Variants in PRMT8 observed in about 807,000 individuals in gnomAD.
PRMT8 encodes the protein protein arginine N-methyltransferase 8.
Under a neutral mutation model 47.1 loss-of-function variants are expected in PRMT8, and 7 were observed. The observed-to-expected ratio is 0.15, with a 90% confidence interval of 0.08 to 0.28. The LOEUF (loss-of-function observed/expected upper bound fraction) is 0.28. Among genes scored for constraint, PRMT8 ranks in the 10% least tolerant of loss-of-function variants. PRMT8 has a pLI of 1.00. For missense variants in PRMT8, 237 were observed against 505.4 expected (o/e 0.47, Z 5.09); for synonymous variants, 188 against 186.5 (o/e 1.01, Z -0.07).
intron 1 of PRMT8, among the ~76,000 whole-genome samples, chr12:3,455,084 G>A (rs1864959400): frequency 6.6e-6 from 1 of 152,286 alleles, no homozygotes; most frequent in Admixed American, 6.5e-5. Flanking sequence ...AATCCTGGGG[G>A]AGATGGAGTT....
At chr12:3,554,477 G>C (rs1866489650) in intron 4 of PRMT8, among the ~76,000 whole-genome samples, 2 of 152,224 alleles carry the variant, frequency 1.3e-5, no homozygotes, top group Admixed American at 1.3e-4. Context: ...CTGCGCCGGG[G>C]CTGCAGTGAG....
intron 1 of PRMT8, among the ~76,000 whole-genome samples, chr12:3,433,447 C>T (rs182167066): frequency 2.8e-4 from 43 of 152,296 alleles, no homozygotes; most frequent in African/African-American, 9.9e-4. Flanking sequence ...ATCCTCGTAA[C>T]CACCCTGCAG....
intron 1 of PRMT8, among the ~76,000 whole-genome samples, chr12:3,388,392 C>T (rs531543747): frequency 1.3e-5 from 2 of 152,156 alleles, no homozygotes; most frequent in South Asian, 2.1e-4. Context: ...CCATCACTCA[C>T]GATGCTATGA....
chr12:3,433,891 A>AG (rs1864709105), intron 1 of PRMT8, among the ~76,000 whole-genome samples: 1 of 152,190 alleles, frequency 6.6e-6, no homozygotes, highest in East Asian at 1.9e-4. Flanking sequence ...GGCGTGAGCC[A>AG]CCATGCCCAG....
chr12:3,491,584 C>A lies in PRMT8; in HGVS notation c.-42C>A. On this transcript the variant is annotated 5_prime_UTR_variant, in exon 1 of 10. Coordinates refer to ENST00000382622, the MANE Select transcript of PRMT8 (RefSeq NM_019854.5). The stretch of plus-strand genomic sequence containing the variant: ...TTTAAAGCGACACCAGCTCTCTCTC[C>A]TCCTCTACTATCTCGGTATCACCAA... 2 of 1,599,924 alleles carry A rather than the reference C, an allele frequency of 1.3e-6. No homozygotes were observed. The highest frequency in any genetic ancestry group is 8.5e-7 in the Non-Finnish European group (1 of 1,174,460).
At chr12:3,523,618 A>T (rs1865912273) in intron 1 of PRMT8, among the ~76,000 whole-genome samples, 2 of 152,162 alleles carry the variant, frequency 1.3e-5, no homozygotes, top group Admixed American at 1.3e-4. Flanking sequence ...TCAAATTTTC[A>T]ATACTAGCTC....
chr12:3,528,852 T>A (rs11062705), intron 1 of PRMT8, among the ~76,000 whole-genome samples: 4,688 of 152,314 alleles, frequency 0.031, 111 homozygotes, highest in East Asian at 0.073. Context: ...TGGTGGGATT[T>A]GAACTATCTT....
At chr12:3,512,046 A>G (rs1162125061) in intron 1 of PRMT8, among the ~76,000 whole-genome samples, 1 of 152,146 alleles carries the variant, frequency 6.6e-6, no homozygotes, top group Non-Finnish European at 1.5e-5. Context: ...TTCCATGGCC[A>G]TCCCTGCAGT....
chr12:3,563,909 T>G (rs1866676219), intron 4 of PRMT8, among the ~76,000 whole-genome samples: 1 of 151,226 alleles, frequency 6.6e-6, no homozygotes, highest in Non-Finnish European at 1.5e-5. Context: ...TTTGAATATC[T>G]TTTGTCTCTT....
intron 4 of PRMT8, among the ~76,000 whole-genome samples, chr12:3,567,733 A>G (rs924528218): frequency 6.6e-6 from 1 of 152,230 alleles, no homozygotes; most frequent in Non-Finnish European, 1.5e-5. Flanking sequence ...AAAGTAAGCT[A>G]CTATCAGCCT....
At chr12:3,556,830 G>A (rs960897450) in intron 4 of PRMT8, among the ~76,000 whole-genome samples, 6 of 151,836 alleles carry the variant, frequency 4.0e-5, no homozygotes, top group African/African-American at 1.5e-4. Flanking sequence ...CTGCCCAGTG[G>A]AGGGGTGGTC....
At chr12:3,533,783 A>C (rs1452824102) in intron 1 of PRMT8, among the ~76,000 whole-genome samples, 1 of 152,234 alleles carries the variant, frequency 6.6e-6, no homozygotes, top group Non-Finnish European at 1.5e-5. Flanking sequence ...AGGTGATAGG[A>C]GAGGTCCCAA....
At chr12:3,407,376 T>C (rs1311987562) in intron 1 of PRMT8, among the ~76,000 whole-genome samples, 1 of 152,160 alleles carries the variant, frequency 6.6e-6, no homozygotes, top group African/African-American at 2.4e-5. Flanking sequence ...ACTTTTTTTT[T>C]TCTTTTAGCA....
chr12:3,447,875 ACCTG>A (rs1185124999), intron 1 of PRMT8, among the ~76,000 whole-genome samples: 19 of 152,280 alleles, frequency 1.2e-4, no homozygotes, highest in Non-Finnish European at 2.4e-4. Context: ...ACTTGGGCAC[ACCTG>A]CCATGCTTCT....
chr12:3,459,889 C>T (rs897662666), intron 1 of PRMT8, among the ~76,000 whole-genome samples: 1 of 152,150 alleles, frequency 6.6e-6, no homozygotes, highest in Non-Finnish European at 1.5e-5. Flanking sequence ...ATGCTCCAGG[C>T]ACTACATCTG....
Position 3,519,671 on chromosome 12 carries a change from G to A in PRMT8, c.76-20935G>A, listed in dbSNP as rs935086936. On this transcript the variant is annotated intron_variant, in intron 1 of 9. Transcript: ENST00000382622. ...CTGAGAAGCTGTGAGTCCACCAGGG[G>A]CAGCTGTCAGTAAGGCTGCAGAAAG... is the stretch of plus-strand genomic sequence containing the variant. Among the ~76,000 whole-genome samples the A allele has an allele frequency of 2.0e-5, 3 of 152,158 alleles. No individual in the cohort carries two copies. In the South Asian group the frequency reaches 6.2e-4, roughly 32 times the overall value.
At chr12:3,469,199 T>C in intron 1 of PRMT8, 1 of 482,864 alleles carries the variant, frequency 2.1e-6, no homozygotes, top group East Asian at 5.9e-5. Flanking sequence ...AGCAAAGTAG[T>C]CAGGAACAGA....
chr12:3,476,223 A>G (rs1865211962), intron 1 of PRMT8, among the ~76,000 whole-genome samples: 1 of 151,790 alleles, frequency 6.6e-6, no homozygotes, highest in Admixed American at 6.6e-5. Context: ...ACACACCAAC[A>G]CTCCTTGCTA....
chr12:3,527,891 G>A (rs1313569204), intron 1 of PRMT8, among the ~76,000 whole-genome samples: 2 of 151,998 alleles, frequency 1.3e-5, no homozygotes, highest in African/African-American at 4.8e-5. Context: ...CGTCATTTCT[G>A]AAAGATATTT....
Sources: allele counts gnomAD v4.1 joint callset (sites outside exome capture counted in the v4.1 genomes callset), GRCh38; gene constraint gnomAD v4.1.1; transcripts MANE v1.5; gene names NCBI Gene and HGNC (gene_info 2026-07-23, HGNC 2026-07-21).